The following ALDH1A3 variants were observed in gnomAD, a reference collection of about 807,000 sequenced individuals.
ALDH1A3 encodes the protein aldehyde dehydrogenase 1 family member A3.
A neutral mutation model predicts 57.5 loss-of-function variants in ALDH1A3; 28 were observed. That is an observed-to-expected ratio of 0.49 (90% CI 0.36 to 0.67). The LOEUF (loss-of-function observed/expected upper bound fraction) is 0.67. ALDH1A3 is among the 30% of genes least tolerant of loss of function. ALDH1A3 has a pLI of 0.00. For synonymous variants in ALDH1A3, 281 were observed against 264.8 expected, an observed-to-expected ratio of 1.06 and a Z score of -0.59; for missense variants, 507 against 669.4, an observed-to-expected ratio of 0.76 and a Z score of 2.68.
intron 9 of ALDH1A3, 51 bp downstream of exon 9, chr15:100,900,810 C>T (rs998276488): frequency 3.2e-6 from 5 of 1,583,340 alleles, no homozygotes; most frequent in African/African-American, 2.7e-5. Context: ...GGGGCTGAAG[C>T]AGGCAGTCCC....
chr15:100,907,254 C>G lies in ALDH1A3; in HGVS notation c.1367C>G (p.Ser456Cys). The change falls in exon 11 of 13, where the codon TCT becomes TGT. Residue 456 changes from serine (S) to cysteine (C), a missense_variant. By Grantham distance (112) the Ser-to-Cys change is moderately radical. This residue lies in a region of ALDH1A3 where 432 missense variants were observed against 608.4 expected (regional missense o/e 0.71). Coordinates refer to ENST00000329841, the MANE Select transcript of ALDH1A3 (RefSeq NM_000693.4). ...KNLDKALKLASALESGTVWIN... is the reference protein window; with the variant it reads ...KNLDKALKLACALESGTVWIN... ...CTCGACAAAGCCCTGAAGTTGGCTT[C>G]TGCCTTAGAGTCTGGAACGGTCTGG... The G allele has an allele frequency of 6.2e-7, 1 of 1,614,264 alleles. No individual in the cohort carries two copies. The highest frequency in any genetic ancestry group is 8.5e-7 in the Non-Finnish European group (1 of 1,180,034).
intron 7 of ALDH1A3, among the ~76,000 whole-genome samples, chr15:100,897,267 G>A (rs375919082): frequency 4.6e-5 from 7 of 152,324 alleles, no homozygotes; most frequent in South Asian, 2.1e-4. Context: ...TCTCAGACCC[G>A]GAAGAGCCTG....
intron 7 of ALDH1A3, among the ~76,000 whole-genome samples, chr15:100,897,562 G>A (rs1400962312): frequency 6.6e-6 from 1 of 152,238 alleles, no homozygotes; most frequent in African/African-American, 2.4e-5. Context: ...CCAGAGAATC[G>A]GCTCCTTCTC....
In ALDH1A3 at chr15:100,887,736, G is replaced by T; in HGVS notation, c.345+24G>T. On this transcript the variant is annotated intron_variant, in intron 3 of 12. Coordinates refer to ENST00000329841, the MANE Select transcript of ALDH1A3 (RefSeq NM_000693.4). This position sits in a 1 kb window ranked among gnomAD's most constrained non-coding sequence, Gnocchi z 4.6. Reference sequence around the variant, plus strand: ...CCGTGAGTACATGCACTTGGGGGCCGGTGGGGGATGAGCCAGCCTCACTGA... The same window carrying T: ...CCGTGAGTACATGCACTTGGGGGCCTGTGGGGGATGAGCCAGCCTCACTGA... The T allele has an allele frequency of 6.4e-7, 1 of 1,561,098 alleles. No individual in the cohort carries two copies. The highest frequency in any genetic ancestry group is 1.2e-5 in the South Asian group (1 of 83,412).
chr15:100,900,531 G>A (rs371302623), intron 8 of ALDH1A3, 44 bp from the exon 9 acceptor site: 384 of 1,527,826 alleles, frequency 2.5e-4, no homozygotes, highest in Non-Finnish European at 3.0e-4. Context: ...CAACTTAATC[G>A]CTTCCTCTCG....
intron 12 of ALDH1A3, 27 bp from the exon 13 acceptor site, chr15:100,914,674 G>T: frequency 6.2e-7 from 1 of 1,610,482 alleles, no homozygotes; most frequent in Non-Finnish European, 8.5e-7. Context: ...TACCCATTTT[G>T]AATTTTCCTC....
In ALDH1A3 at chr15:100,887,674, C is replaced by T. The variant is rs749061521; in HGVS notation, c.307C>T (p.Leu103=). The change falls in exon 3 of 13, where the codon CTG becomes TTG. Residue 103 remains leucine, a synonymous_variant. Coordinates refer to ENST00000329841, the MANE Select transcript of ALDH1A3 (RefSeq NM_000693.4). This position sits in a 1 kb window ranked among gnomAD's most constrained non-coding sequence, Gnocchi z 4.6. ...GAGTCGTGGGCGGCTGCTGCACCAG[C>T]TGGCTGACCTGGTGGAGAGGGACCG... ...ALSRGRLLHQ[L]ADLVERDRAT... is the part of the protein sequence containing the mutation. 6.2e-7 allele frequency: 1 copy of T among 1,610,478 alleles called. No homozygotes were observed. The highest frequency in any genetic ancestry group is 1.1e-5 in the South Asian group (1 of 90,416).
chr15:100,902,673 CCT>C (rs1481510293), intron 9 of ALDH1A3, among the ~76,000 whole-genome samples: 1 of 152,246 alleles, frequency 6.6e-6, no homozygotes, highest in Non-Finnish European at 1.5e-5. Flanking sequence ...GCCGTATTTC[CCT>C]GTTTCTGGTG....
chr15:100,884,087 T>G (rs58921927), intron 1 of ALDH1A3, among the ~76,000 whole-genome samples: 1,771 of 152,332 alleles, frequency 0.012, 30 homozygotes, highest in African/African-American at 0.04. Flanking sequence ...TGTCAGCCAT[T>G]TCTGCCACGG....
chr15:100,911,263 TC>T (rs1371985750), intron 12 of ALDH1A3, among the ~76,000 whole-genome samples: 1 of 152,206 alleles, frequency 6.6e-6, no homozygotes, highest in East Asian at 1.9e-4. Context: ...GTTTTCCCCG[TC>T]CCCGGCCACC....
intron 1 of ALDH1A3, 137 bp from the exon 2 acceptor site, chr15:100,885,130 A>G: frequency 1.5e-6 from 1 of 645,958 alleles, no homozygotes; most frequent in Non-Finnish European, 2.8e-6. Flanking sequence ...TCTCATCTAT[A>G]AGATGTCGAA....
rs1220487010 is a variant in ALDH1A3 at position 100,906,649 on chromosome 15, T to C, written c.1234-472T>C. Among the ~76,000 whole-genome samples the C allele has an allele frequency of 6.6e-6, 1 of 152,248 alleles. No individual in the cohort carries two copies. Among genetic ancestry groups the C allele is most frequent in the Admixed American group, 6.5e-5 (1 of 15,290 alleles). On this transcript the variant is annotated intron_variant, in intron 10 of 12. Coordinates refer to ENST00000329841, the MANE Select transcript of ALDH1A3 (RefSeq NM_000693.4). This position sits in a 1 kb window ranked among gnomAD's most constrained non-coding sequence, Gnocchi z 4.8. The stretch of plus-strand genomic sequence containing the variant: ...GTGTCACAAACTGTGGTGAATATTG[T>C]GTCATTCCTTCCCCTGGTAGTTATT...
chr15:100,904,344 G>T (rs2141567415), intron 9 of ALDH1A3, among the ~76,000 whole-genome samples: 1 of 152,340 alleles, frequency 6.6e-6, no homozygotes, highest in African/African-American at 2.4e-5. Context: ...TAAAGTGTGA[G>T]GTATGGATCT....
At chr15:100,905,857 TC>T (rs763288663) in intron 10 of ALDH1A3, among the ~76,000 whole-genome samples, 170 bp downstream of exon 10, 37 of 151,968 alleles carry the variant, frequency 2.4e-4, no homozygotes, top group Non-Finnish European at 4.7e-4. Context: ...TCCTTTGGGG[TC>T]CCTAGGGAAG....
intron 9 of ALDH1A3, among the ~76,000 whole-genome samples, chr15:100,902,152 C>T (rs1445962107): frequency 2.6e-5 from 4 of 152,302 alleles, no homozygotes; most frequent in South Asian, 2.1e-4. Flanking sequence ...TTTACCCCGT[C>T]GTTATTTGTA....
chr15:100,886,854 C>T (rs879406958), intron 2 of ALDH1A3, among the ~76,000 whole-genome samples: 11 of 152,184 alleles, frequency 7.2e-5, no homozygotes, highest in Admixed American at 3.9e-4. Context: ...AACTGTTCCA[C>T]GATGGTCAGT....
chr15:100,900,563 C>G lies in ALDH1A3; in HGVS notation c.884-12C>G. On this transcript the variant is annotated splice_polypyrimidine_tract_variant and intron_variant, in intron 8 of 12. Transcript: ENST00000329841. ...CTCGCTCTGCCCGCCTCCCTCGCCC[C>G]TCCCCCTCCAGTGGACTTGGCAGTG... The G allele has an allele frequency of 6.4e-7, 1 of 1,570,874 alleles. No homozygotes were observed. The highest frequency in any genetic ancestry group is 8.6e-7 in the Non-Finnish European group (1 of 1,156,654).
At chr15:100,902,212 T>C (rs1292797760) in intron 9 of ALDH1A3, among the ~76,000 whole-genome samples, 2 of 152,218 alleles carry the variant, frequency 1.3e-5, no homozygotes, top group Admixed American at 1.3e-4. Context: ...GTCTGAGTCT[T>C]GACTTTTGAG....
intron 1 of ALDH1A3, chr15:100,881,561 C>G (rs1039018682): frequency 1.3e-5 from 2 of 152,058 alleles, no homozygotes; most frequent in Non-Finnish European, 2.9e-5. Flanking sequence ...AAAAAGTTTA[C>G]CTCTTTCTCT....
Sources: allele counts gnomAD v4.1 joint callset (sites outside exome capture counted in the v4.1 genomes callset), GRCh38; gene constraint gnomAD v4.1.1; regional missense constraint gnomAD v4.1.1; non-coding constraint Gnocchi (gnomAD v3.1); transcripts MANE v1.5; gene names NCBI Gene and HGNC (gene_info 2026-07-23, HGNC 2026-07-21).